Variants in AUTS2 observed in about 807,000 individuals in gnomAD.
The protein encoded by AUTS2 is autism susceptibility gene 2 protein.
Under a neutral mutation model 112.4 loss-of-function variants are expected in AUTS2, and 17 were observed. The observed-to-expected ratio is 0.15, with a 90% CI of 0.10 to 0.23. The LOEUF (loss-of-function observed/expected upper bound fraction) is 0.23. Ranked by LOEUF, AUTS2 falls within the 10% of genes least tolerant of loss-of-function variation. AUTS2 has a pLI of 1.00. For synonymous variants in AUTS2, 751 were observed against 702.7 expected (o/e 1.07, Z -1.09); for missense variants, 1,510 against 1,701.6 (o/e 0.89, Z 1.98).
At chr7:70,505,011 A>C (rs1413174119) in intron 5 of AUTS2, among the ~76,000 whole-genome samples, 2 of 152,232 alleles carry the variant, frequency 1.3e-5, no homozygotes, top group Non-Finnish European at 2.9e-5. Flanking sequence ...AGACCAATAC[A>C]CTAAGCAATC....
chr7:70,112,922 T>A (rs1421701308), intron 2 of AUTS2, among the ~76,000 whole-genome samples: 3 of 152,126 alleles, frequency 2.0e-5, no homozygotes, highest in Non-Finnish European at 4.4e-5. Flanking sequence ...TCTTATTTTC[T>A]TTCCCTTTCT....
chr7:70,358,831 A>G (rs755614988), intron 4 of AUTS2, among the ~76,000 whole-genome samples: 7 of 152,126 alleles, frequency 4.6e-5, no homozygotes, highest in Non-Finnish European at 1.0e-4. Flanking sequence ...TCATAACCTC[A>G]CACTTCATGT....
chr7:70,730,433 G>C (rs945062331), intron 6 of AUTS2, among the ~76,000 whole-genome samples: 3 of 152,028 alleles, frequency 2.0e-5, no homozygotes, highest in Non-Finnish European at 4.4e-5. Context: ...CAATCCCTCA[G>C]CCCAGGCAGC....
intron 4 of AUTS2, among the ~76,000 whole-genome samples, chr7:70,251,092 TCTCA>T (rs1195447016): frequency 2.6e-5 from 4 of 151,786 alleles, no homozygotes; most frequent in African/African-American, 9.7e-5. Flanking sequence ...TGAGACGGAG[TCTCA>T]CTCTGTCGCT....
At chr7:69,785,857 T>C (rs752288858) in intron 1 of AUTS2, among the ~76,000 whole-genome samples, 1 of 152,074 alleles carries the variant, frequency 6.6e-6, no homozygotes, top group African/African-American at 2.4e-5. Context: ...TGAGATGAAA[T>C]TTTACTCTTG....
At chr7:69,909,438 T>C (rs1795269760) in intron 2 of AUTS2, among the ~76,000 whole-genome samples, 1 of 152,164 alleles carries the variant, frequency 6.6e-6, no homozygotes, top group African/African-American at 2.4e-5. Flanking sequence ...TAATTTCTTG[T>C]TTTTTCCCAT....
rs187396067 is a variant in AUTS2 at position 70,193,190 on chromosome 7, C to T, written c.660+58619C>T. On this transcript the variant is annotated intron_variant, in intron 4 of 18. Coordinates refer to ENST00000342771, the MANE Select transcript of AUTS2 (RefSeq NM_015570.4). The stretch of plus-strand genomic sequence containing the variant: ...GTGGTCCTTGAACTCTGATGGCAAC[C>T]TACCTTGACAAGGCCAAAAACCTAC... Among the ~76,000 whole-genome samples, 3 of 152,282 alleles carry T rather than the reference C, an allele frequency of 2.0e-5. No individual in the cohort carries two copies. The East Asian group carries it at 5.8e-4, about 29-fold the overall frequency.
chr7:69,686,031 T>C (rs1374193258), intron 1 of AUTS2, among the ~76,000 whole-genome samples: 8 of 152,194 alleles, frequency 5.3e-5, no homozygotes, highest in African/African-American at 1.9e-4. Flanking sequence ...AGGAGGCTAC[T>C]GTCAGGAAGG....
At chr7:70,604,382 C>G (rs1431766469) in intron 5 of AUTS2, among the ~76,000 whole-genome samples, 1 of 152,168 alleles carries the variant, frequency 6.6e-6, no homozygotes, top group Non-Finnish European at 1.5e-5. Flanking sequence ...CCTAGCTGCT[C>G]TTTTACTTGC....
chr7:70,272,151 A>C (rs951233021), intron 4 of AUTS2, among the ~76,000 whole-genome samples: 3 of 152,136 alleles, frequency 2.0e-5, no homozygotes, highest in Admixed American at 1.3e-4. Flanking sequence ...TTATGTATGA[A>C]AGAGCCAGGC....
chr7:70,171,868 C>G (rs921353449), intron 4 of AUTS2, among the ~76,000 whole-genome samples: 2 of 150,788 alleles, frequency 1.3e-5, no homozygotes. Flanking sequence ...GAAATTGCTA[C>G]AGAATGTAGT....
chr7:69,957,323 A>G (rs1043139828), intron 2 of AUTS2, among the ~76,000 whole-genome samples: 3 of 152,014 alleles, frequency 2.0e-5, no homozygotes, highest in Admixed American at 6.6e-5. Flanking sequence ...AACAGCGACT[A>G]TATAGTCATA....
At chr7:70,188,457 C>A (rs1809716326) in intron 4 of AUTS2, among the ~76,000 whole-genome samples, 1 of 152,156 alleles carries the variant, frequency 6.6e-6, no homozygotes, top group East Asian at 1.9e-4. Flanking sequence ...AGATTCTGGA[C>A]AACATATGCA....
At chr7:70,418,110 T>TCTGC (rs35655310) in intron 4 of AUTS2, among the ~76,000 whole-genome samples, 1 of 151,766 alleles carries the variant, frequency 6.6e-6, no homozygotes, top group Non-Finnish European at 1.5e-5. Context: ...TGTGTGTGTG[T>TCTGC]GTCTGTGTGT....
chr7:69,894,740 T>A (rs989603696), intron 1 of AUTS2, among the ~76,000 whole-genome samples: 5 of 152,216 alleles, frequency 3.3e-5, no homozygotes, highest in Admixed American at 6.5e-5. Flanking sequence ...CTTTTGTTTC[T>A]ATTTTTCAAG....
intron 1 of AUTS2, among the ~76,000 whole-genome samples, chr7:69,838,996 G>A (rs1364627576): frequency 6.6e-6 from 1 of 152,126 alleles, no homozygotes; most frequent in East Asian, 1.9e-4. Context: ...GGTCAGATCT[G>A]GTCATTCTCT....
chr7:70,027,298 C>A (rs976257360), intron 2 of AUTS2, among the ~76,000 whole-genome samples: 2 of 152,086 alleles, frequency 1.3e-5, no homozygotes, highest in Non-Finnish European at 2.9e-5. Context: ...TTATTTTAGC[C>A]TTGTCGGGTT....
chr7:70,759,143 G>A (rs1042988063), intron 6 of AUTS2, among the ~76,000 whole-genome samples: 1 of 152,152 alleles, frequency 6.6e-6, no homozygotes, highest in African/African-American at 2.4e-5. Context: ...CTGAATCCTG[G>A]ATTTATCATT....
At chr7:70,567,939 A>G (rs182422265) in intron 5 of AUTS2, among the ~76,000 whole-genome samples, 260 of 152,338 alleles carry the variant, frequency 1.7e-3, no homozygotes, top group Non-Finnish European at 3.0e-3. Flanking sequence ...TATGAGCAAC[A>G]ACACTAGACT....
Sources: allele counts gnomAD v4.1 joint callset (sites outside exome capture counted in the v4.1 genomes callset), GRCh38; gene constraint gnomAD v4.1.1; transcripts MANE v1.5; gene names NCBI Gene and HGNC (gene_info 2026-07-23, HGNC 2026-07-21).